ATRNL1: variants seen among roughly 807,000 people sequenced by gnomAD.
ATRNL1 encodes the protein attractin like 1.
ATRNL1 carries 95 observed loss-of-function variants against 182.7 expected under a neutral mutation model. The ratio of observed to expected loss-of-function variants is 0.52; its 90% CI spans 0.44 to 0.62. The LOEUF (loss-of-function observed/expected upper bound fraction) is 0.62. Ranked by LOEUF, ATRNL1 falls within the 20% of genes least tolerant of loss-of-function variation. The pLI, the probability that ATRNL1 is intolerant of heterozygous loss-of-function variation, is 0.00. For synonymous variants in ATRNL1, 576 were observed against 568.3 expected (o/e 1.01, Z -0.19); for missense variants, 1,471 against 1,679.5 (o/e 0.88, Z 2.17).
At chr10:115,618,785 T>G (rs1259283381) in intron 26 of ATRNL1, among the ~76,000 whole-genome samples, 1 of 152,194 alleles carries the variant, frequency 6.6e-6, no homozygotes, top group Non-Finnish European at 1.5e-5. Flanking sequence ...CTGAGTTTTC[T>G]TAAGATCATT....
chr10:115,565,466 A>C (rs1448393173), intron 26 of ATRNL1, among the ~76,000 whole-genome samples: 1 of 152,028 alleles, frequency 6.6e-6, no homozygotes, highest in Non-Finnish European at 1.5e-5. Context: ...TTGCATGGTT[A>C]TTATGTTATG....
intron 25 of ATRNL1, among the ~76,000 whole-genome samples, chr10:115,530,098 G>A (rs1415872206): frequency 3.3e-5 from 5 of 150,714 alleles, no homozygotes; most frequent in Admixed American, 3.3e-4. Flanking sequence ...CATCTTATGT[G>A]TATAACACAT....
chr10:115,129,903 T>C (rs1845147897), intron 5 of ATRNL1, among the ~76,000 whole-genome samples: 1 of 152,186 alleles, frequency 6.6e-6, no homozygotes, highest in Non-Finnish European at 1.5e-5. Context: ...ATATAAATAG[T>C]ATACTACAAA....
chr10:115,683,242 A>C (rs1946107703), intron 26 of ATRNL1, among the ~76,000 whole-genome samples: 1 of 152,062 alleles, frequency 6.6e-6, no homozygotes, highest in African/African-American at 2.4e-5. Flanking sequence ...ATTTCATGGA[A>C]TTCTGGACCA....
At chr10:115,411,456 A>G (rs1328326355) in intron 20 of ATRNL1, among the ~76,000 whole-genome samples, 1 of 152,036 alleles carries the variant, frequency 6.6e-6, no homozygotes, top group East Asian at 1.9e-4. Flanking sequence ...AGTCTGTAAT[A>G]CATAGTTCAG....
intron 27 of ATRNL1, among the ~76,000 whole-genome samples, chr10:115,765,493 AT>A (rs1234287356): frequency 7.9e-5 from 12 of 152,130 alleles, no homozygotes; most frequent in African/African-American, 2.4e-4. Flanking sequence ...TCTTTCATCC[AT>A]TGTTATTGTT....
intron 27 of ATRNL1, among the ~76,000 whole-genome samples, chr10:115,825,648 T>A (rs1257037710): frequency 6.6e-6 from 1 of 152,080 alleles, no homozygotes; most frequent in African/African-American, 2.4e-5. Flanking sequence ...ATCTCTCAAC[T>A]TTTCCTGTTA....
At chr10:115,703,856 A>G (rs1377252742) in intron 26 of ATRNL1, among the ~76,000 whole-genome samples, 1 of 151,880 alleles carries the variant, frequency 6.6e-6, no homozygotes, top group African/African-American at 2.4e-5. Flanking sequence ...TCCTTTATGG[A>G]ACTGAATAGA....
chr10:115,142,691 C>A (rs1451658119), intron 5 of ATRNL1, among the ~76,000 whole-genome samples: 1 of 152,016 alleles, frequency 6.6e-6, no homozygotes, highest in Non-Finnish European at 1.5e-5. Context: ...AGCAGTATAC[C>A]AGTTCAGAGG....
At chr10:115,758,195 G>A (rs1948640117) in intron 27 of ATRNL1, among the ~76,000 whole-genome samples, 1 of 151,924 alleles carries the variant, frequency 6.6e-6, no homozygotes, top group Non-Finnish European at 1.5e-5. Context: ...GTCCCATTTT[G>A]TTCCTTTGCT....
rs116576617 is a variant in ATRNL1 at position 115,736,751 on chromosome 10, C to T, written c.3903+9396C>T. Among the ~76,000 whole-genome samples the T allele has an allele frequency of 7.9e-3, 1,197 of 152,192 alleles. 21 individuals carry two copies. Among genetic ancestry groups the T allele is most frequent in the African/African-American group, 0.027 (1,133 of 41,528 alleles). Reference sequence around the variant, plus strand: ...TCTGGAATAGTGCAGGAATCTCAAACTCAGTTTTCCTTTTTATTTATTTAT... The same window carrying T: ...TCTGGAATAGTGCAGGAATCTCAAATTCAGTTTTCCTTTTTATTTATTTAT... On this transcript the variant is annotated intron_variant, in intron 27 of 28. Transcript: ENST00000355044.
chr10:115,181,655 T>C (rs1449206334), intron 8 of ATRNL1, among the ~76,000 whole-genome samples: 1 of 151,714 alleles, frequency 6.6e-6, no homozygotes, highest in Non-Finnish European at 1.5e-5. Flanking sequence ...ATCAATTATT[T>C]CCAACTATGC....
chr10:115,719,606 T>C (rs1482265910), intron 26 of ATRNL1, among the ~76,000 whole-genome samples: 2 of 152,192 alleles, frequency 1.3e-5, no homozygotes, highest in Non-Finnish European at 2.9e-5. Context: ...ATACTCAGTG[T>C]TAGCAAACAT....
intron 25 of ATRNL1, 68 bp from the exon 26 acceptor site, chr10:115,549,390 T>G: frequency 8.9e-7 from 1 of 1,122,090 alleles, no homozygotes; most frequent in Non-Finnish European, 1.3e-6. Flanking sequence ...GAGTCTTTCA[T>G]GTACTGTTTT....
chr10:115,555,650 A>G (rs1311578520), intron 26 of ATRNL1, among the ~76,000 whole-genome samples: 1 of 151,912 alleles, frequency 6.6e-6, no homozygotes, highest in Non-Finnish European at 1.5e-5. Flanking sequence ...GCCCTCAAAA[A>G]TGTTTACAGA....
chr10:115,334,474 A>C lies in ATRNL1; in HGVS notation c.3175+55A>C, dbSNP rs1172605380. On this transcript the variant is annotated intron_variant, in intron 19 of 28. Coordinates refer to ENST00000355044, the MANE Select transcript of ATRNL1 (RefSeq NM_207303.4). ...ATTTTTACTAAGGAAAAGATAATTA[A>C]GAAAGCAGCGCCTGTTGTGGAGAAT... 4.4e-6 allele frequency: 6 copies of C among 1,370,238 alleles called. No individual in the cohort carries two copies. The African/African-American group carries it at 8.6e-5, about 20-fold the overall frequency. The allele number at this position is 1,370,238 out of a possible 1,614,324, so 84.9% of individuals were successfully genotyped here.
chr10:115,796,612 C>A (rs1433904398), intron 27 of ATRNL1, among the ~76,000 whole-genome samples: 1 of 152,174 alleles, frequency 6.6e-6, no homozygotes, highest in Non-Finnish European at 1.5e-5. Context: ...AAATTAACCT[C>A]ATTCAAGTGG....
chr10:115,679,543 T>A (rs1394326824), intron 26 of ATRNL1, among the ~76,000 whole-genome samples: 2 of 152,074 alleles, frequency 1.3e-5, no homozygotes, highest in African/African-American at 4.8e-5. Context: ...CTATCTGACT[T>A]CTGCAGAAAG....
chr10:115,502,394 T>C (rs1461679055), intron 24 of ATRNL1, among the ~76,000 whole-genome samples: 5 of 152,150 alleles, frequency 3.3e-5, no homozygotes, highest in African/African-American at 1.2e-4. Context: ...ACACTTGATA[T>C]AGCAGGTTAT....
Sources: gnomAD v4.1 joint callset for allele counts (sites outside exome capture counted in the v4.1 genomes callset) on GRCh38, gnomAD v4.1.1 for gene constraint, MANE v1.5 for transcripts, NCBI Gene and HGNC (gene_info 2026-07-23, HGNC 2026-07-21) for gene names.